LMBRD1: variants seen among roughly 807,000 people sequenced by gnomAD.
LMBRD1 encodes lysosomal cobalamin transport escort protein LMBD1.
Under a neutral mutation model 74.8 loss-of-function variants are expected in LMBRD1, and 64 were observed. That is an observed-to-expected ratio of 0.86 (90% CI 0.70 to 1.05). The LOEUF (loss-of-function observed/expected upper bound fraction) is 1.05. LMBRD1 is among the 50% of genes least tolerant of loss of function. LMBRD1 has a pLI of 0.00. For missense variants in LMBRD1, 652 were observed against 645.9 expected, an observed-to-expected ratio of 1.01 and a Z score of -0.10; for synonymous variants, 204 against 216.3, an observed-to-expected ratio of 0.94 and a Z score of 0.50.
At chr6:69,716,812 A>G (rs1766501275) in intron 8 of LMBRD1, among the ~76,000 whole-genome samples, 2 of 151,806 alleles carry the variant, frequency 1.3e-5, no homozygotes, top group African/African-American at 4.8e-5. Flanking sequence ...AAACATATAC[A>G]TACAATTCAG....
At chr6:69,739,756 T>C (rs1767056904) in intron 6 of LMBRD1, among the ~76,000 whole-genome samples, 4 of 151,064 alleles carry the variant, frequency 2.6e-5, no homozygotes, top group African/African-American at 7.3e-5. Flanking sequence ...TTACAATGAC[T>C]ATATACATGT....
rs1231253917 is a variant in LMBRD1, at chr6:69,741,878, C to T, written c.474-1G>A. 6.4e-7 allele frequency: 1 copy of T among 1,558,672 alleles called. No individual in the cohort carries two copies. Among genetic ancestry groups the T allele is most frequent in the South Asian group, 1.1e-5 (1 of 89,042 alleles). On this transcript the variant is annotated splice_acceptor_variant, in intron 5 of 15. Transcript: ENST00000649934. LOFTEE classifies it high-confidence loss of function. ...GGGAACATTCAATGGAACAAAGGCA[C>T]TACAAAAGAGAAAATAATTGTTTTA... is the stretch of plus-strand genomic sequence containing the variant.
At chr6:69,769,375 T>G (rs1198504473) in intron 3 of LMBRD1, among the ~76,000 whole-genome samples, 3 of 152,172 alleles carry the variant, frequency 2.0e-5, no homozygotes, top group Non-Finnish European at 4.4e-5. Context: ...CTATCTCCTT[T>G]TTGAACATCT....
chr6:69,741,138 T>A (rs1767092732), intron 6 of LMBRD1, among the ~76,000 whole-genome samples: 2 of 152,142 alleles, frequency 1.3e-5, no homozygotes, highest in Admixed American at 1.3e-4. Context: ...TCCAGTACAT[T>A]TCTTTAACAT....
chr6:69,767,443 C>A (rs1765494904), intron 3 of LMBRD1, among the ~76,000 whole-genome samples: 1 of 151,690 alleles, frequency 6.6e-6, no homozygotes, highest in Non-Finnish European at 1.5e-5. Context: ...CTTGTGATTT[C>A]ATCTTGATCC....
rs1766066351 is a variant in LMBRD1 at position 69,698,966 on chromosome 6, A to G, written c.1338+77T>C. ...GATGAGCTAATATCTTATGCTAACC[A>G]TCACAATTAAAATTTCATTTTAAAT... is the stretch of plus-strand genomic sequence containing the variant. On this transcript the variant is annotated intron_variant, in intron 13 of 15. Transcript: ENST00000649934. 6.0e-6 allele frequency: 6 copies of G among 994,714 alleles called. No individual in the cohort carries two copies. The East Asian group carries it at 1.6e-4, about 26-fold the overall frequency. 61.6% of individuals were successfully genotyped at this position (994,714 alleles called of 1,614,324 possible).
At chr6:69,707,592 G>C (rs1051699935) in intron 9 of LMBRD1, among the ~76,000 whole-genome samples, 1 of 151,858 alleles carries the variant, frequency 6.6e-6, no homozygotes, top group African/African-American at 2.4e-5. Context: ...TACTGTTTTA[G>C]GTGTGTCTCT....
At chr6:69,726,934 A>T (rs529359029) in intron 7 of LMBRD1, among the ~76,000 whole-genome samples, 2 of 152,304 alleles carry the variant, frequency 1.3e-5, no homozygotes, top group African/African-American at 4.8e-5. Flanking sequence ...CGAGTGGATC[A>T]CTTGAGGTTA....
intron 3 of LMBRD1, among the ~76,000 whole-genome samples, chr6:69,754,955 AAG>A (rs1765238107): frequency 6.6e-6 from 1 of 152,244 alleles, no homozygotes; most frequent in South Asian, 2.1e-4. Flanking sequence ...GATGTGGAGA[AAG>A]AGGAATGCTT....
chr6:69,777,400 C>G (rs1336646138), intron 3 of LMBRD1, among the ~76,000 whole-genome samples: 1 of 150,116 alleles, frequency 6.7e-6, no homozygotes, highest in Non-Finnish European at 1.5e-5. Context: ...TTGCAGTGAG[C>G]CGAGACTGCA....
At chr6:69,680,137 C>G (rs1765630789) in intron 14 of LMBRD1, among the ~76,000 whole-genome samples, 1 of 151,932 alleles carries the variant, frequency 6.6e-6, no homozygotes, top group Admixed American at 6.6e-5. Flanking sequence ...CTTTAAATAA[C>G]CAATTTGAAT....
At chr6:69,767,952 A>G (rs1449656774) in intron 3 of LMBRD1, among the ~76,000 whole-genome samples, 1 of 151,950 alleles carries the variant, frequency 6.6e-6, no homozygotes, top group African/African-American at 2.4e-5. Flanking sequence ...TCATTATGAA[A>G]TGTCCGTTGT....
At chr6:69,704,826 T>A (rs1443530140) in intron 9 of LMBRD1, among the ~76,000 whole-genome samples, 2 of 151,970 alleles carry the variant, frequency 1.3e-5, no homozygotes, top group Non-Finnish European at 2.9e-5. Context: ...TCTCCCTACC[T>A]CACTGCTTTC....
chr6:69,749,608 A>T (rs1401958521), intron 4 of LMBRD1, among the ~76,000 whole-genome samples, 200 bp from the exon 5 acceptor site: 1 of 151,800 alleles, frequency 6.6e-6, no homozygotes, highest in Non-Finnish European at 1.5e-5. Context: ...GAGATTTTTT[A>T]AATCTTTTCA....
chr6:69,757,784 T>C (rs1190010576), intron 3 of LMBRD1, among the ~76,000 whole-genome samples: 1 of 152,172 alleles, frequency 6.6e-6, no homozygotes, highest in Non-Finnish European at 1.5e-5. Flanking sequence ...CACTCTCATA[T>C]CCTAACATCT....
intron 14 of LMBRD1, among the ~76,000 whole-genome samples, chr6:69,680,615 A>G (rs1765639767): frequency 6.6e-6 from 1 of 152,158 alleles, no homozygotes; most frequent in East Asian, 1.9e-4. Flanking sequence ...CTTTGACAGA[A>G]GCCTTTTAAA....
intron 2 of LMBRD1, among the ~76,000 whole-genome samples, chr6:69,782,101 A>G (rs1301095801): frequency 6.6e-6 from 1 of 152,196 alleles, no homozygotes; most frequent in Non-Finnish European, 1.5e-5. Flanking sequence ...TCTGCTACAC[A>G]GTAAGATAGT....
intron 2 of LMBRD1, among the ~76,000 whole-genome samples, chr6:69,789,824 C>T (rs1348992430): frequency 6.6e-6 from 1 of 152,086 alleles, no homozygotes; most frequent in Non-Finnish European, 1.5e-5. Context: ...ACCTCAAGTC[C>T]AGAAAAGTTA....
At chr6:69,713,926 A>C in intron 8 of LMBRD1, 129 bp from the exon 9 acceptor site, 2 of 897,544 alleles carry the variant, frequency 2.2e-6, no homozygotes, top group East Asian at 5.2e-5. Context: ...CAAACTAAAA[A>C]AAACCTGACA....
Sources: allele counts gnomAD v4.1 joint callset (sites outside exome capture counted in the v4.1 genomes callset), GRCh38; gene constraint gnomAD v4.1.1; transcripts MANE v1.5; gene names NCBI Gene and HGNC (gene_info 2026-07-23, HGNC 2026-07-21).